C17orf75: variants seen among roughly 807,000 people sequenced by gnomAD.
The protein encoded by C17orf75 is chromosome 17 open reading frame 75.
In C17orf75, 32 loss-of-function variants were observed where a neutral mutation model predicts 49.6. The observed-to-expected ratio is 0.65, with a 90% CI of 0.49 to 0.87. The LOEUF (loss-of-function observed/expected upper bound fraction) is 0.87, where lower values mean the gene tolerates loss of function less well. C17orf75 is among the 40% of genes least tolerant of loss of function. The pLI is 0.00. For synonymous variants in C17orf75, 158 were observed against 159.5 expected, an observed-to-expected ratio of 0.99 and a Z score of 0.07; for missense variants, 428 against 473.9, an observed-to-expected ratio of 0.90 and a Z score of 0.90.
intron 9 of C17orf75, among the ~76,000 whole-genome samples, chr17:32,332,593 C>T (rs1009896300): frequency 5.3e-5 from 8 of 152,102 alleles, no homozygotes; most frequent in South Asian, 4.1e-4. Context: ...AGCAAGACCC[C>T]GTCTCTACAA....
At position 32,331,774 on chromosome 17, in the gene C17orf75, G is replaced by A; in HGVS notation, c.1180C>T (p.Gln394Ter). ...LEEFMKEALD[Q>*]SF ...CTCAAAACATATGATCAAAAACTTT[G>A]GTCAAGAGCTTCTTTCATGAATTCT... Residue 394 changes from glutamine to a stop codon, truncating the protein, a stop_gained, in exon 10 of 10, where the codon CAA becomes TAA. Coordinates refer to ENST00000577809, the MANE Select transcript of C17orf75 (RefSeq NM_022344.4). LOFTEE classifies it high-confidence loss of function. 1 of 1,612,374 alleles carries A rather than the reference G, an allele frequency of 6.2e-7. No homozygotes were observed. The highest frequency in any genetic ancestry group is 8.5e-7 in the Non-Finnish European group (1 of 1,178,604).
At chr17:32,341,624 G>GGT (rs966649975) in intron 1 of C17orf75, among the ~76,000 whole-genome samples, 6 of 152,312 alleles carry the variant, frequency 3.9e-5, no homozygotes, top group African/African-American at 1.2e-4. Context: ...TGGGGATGGG[G>GGT]GTGTGTGTGA....
upstream of C17orf75, among the ~76,000 whole-genome samples, chr17:32,345,527 T>A (rs1330297512): frequency 6.6e-6 from 1 of 150,392 alleles, no homozygotes; most frequent in East Asian, 2.0e-4. Flanking sequence ...GACATCGAAT[T>A]CTAGGTTGAA....
Position 32,334,468 on chromosome 17 carries a change from C to T in C17orf75, c.871+1G>A. The T allele has an allele frequency of 6.2e-7, 1 of 1,610,970 alleles. No individual in the cohort carries two copies. Among genetic ancestry groups the T allele is most frequent in the Non-Finnish European group, 8.5e-7 (1 of 1,178,744 alleles). ...AGGCTGCTTCAGAGGTTGTAGCTCA[C>T]CTGCATTGCAGAACTGAGGCTGGGA... On this transcript the variant is annotated splice_donor_variant, in intron 8 of 9. Transcript: ENST00000577809. LOFTEE classifies it high-confidence loss of function.
chr17:32,335,539 G>A, intron 5 of C17orf75, 97 bp from the exon 6 acceptor site: 1 of 1,411,558 alleles, frequency 7.1e-7, no homozygotes. Context: ...AAAAAGACCA[G>A]GATAGACACC....
intron 1 of C17orf75, among the ~76,000 whole-genome samples, chr17:32,341,533 C>G (rs1156870047): frequency 1.3e-5 from 2 of 152,100 alleles, no homozygotes; most frequent in African/African-American, 4.8e-5. Flanking sequence ...CTTTAAAAAC[C>G]AAACTTGACA....
At chr17:32,333,369 T>G (rs1281943256) in intron 9 of C17orf75, 48 bp downstream of exon 9, 2 of 1,401,596 alleles carry the variant, frequency 1.4e-6, no homozygotes, top group African/African-American at 1.4e-5. Context: ...CTAATTAAAA[T>G]TCAGACAAAA....
intron 3 of C17orf75, among the ~76,000 whole-genome samples, chr17:32,339,056 A>ATG (rs1385885209): frequency 6.6e-6 from 1 of 151,856 alleles, no homozygotes; most frequent in Non-Finnish European, 1.5e-5. Context: ...ATGCTACTGT[A>ATG]CTCCAGTCTG....
At chr17:32,333,631 A>G (rs2150774187) in intron 8 of C17orf75, 111 bp from the exon 9 acceptor site, 1 of 897,512 alleles carries the variant, frequency 1.1e-6, no homozygotes, top group South Asian at 1.6e-5. Flanking sequence ...GTGCAGCCGG[A>G]GTACTAACTA....
rs1165212639 is a variant in C17orf75 at position 32,341,126 on chromosome 17, G to A, written c.221+78C>T. On this transcript the variant is annotated intron_variant, in intron 2 of 9. Coordinates refer to ENST00000577809, the MANE Select transcript of C17orf75 (RefSeq NM_022344.4). ...TCAGGGAAAGCTCAGTGGAAATAGA[G>A]TATCCACTGACATGTACAGGCCAGA... 7.9e-6 allele frequency: 11 copies of A among 1,400,666 alleles called. No homozygotes were observed. In the East Asian group the frequency reaches 2.3e-4, roughly 29 times the overall value. 86.8% of individuals were successfully genotyped at this position (1,400,666 alleles called of 1,614,324 possible).
At position 32,331,939 on chromosome 17, in the gene C17orf75, G is replaced by A; in HGVS notation, c.1015C>T (p.Gln339Ter). 1 of 1,613,194 alleles carries A rather than the reference G, an allele frequency of 6.2e-7. No individual in the cohort carries two copies. ...AAAGCATAATGATTCATTTCTGCCT[G>A]TCGGATAAATCTCTTCAAATTGTTT... ...DTNNLKRFIRQAEMNHYALFK... is the reference protein window; with the variant it reads ...DTNNLKRFIR Residue 339 changes from glutamine to a stop codon, truncating the protein, a stop_gained, in exon 10 of 10, where the codon CAG (glutamine) becomes TAG (stop). Coordinates refer to ENST00000577809, the MANE Select transcript of C17orf75 (RefSeq NM_022344.4). LOFTEE classifies it high-confidence loss of function.
chr17:32,336,965 G>A (rs1434750193), intron 5 of C17orf75, among the ~76,000 whole-genome samples: 1 of 152,040 alleles, frequency 6.6e-6, no homozygotes, highest in East Asian at 1.9e-4. Context: ...ACAAGCCTGG[G>A]CAATATGGCA....
chr17:32,349,475 G>A (rs546056552), intron 1 of C17orf75, among the ~76,000 whole-genome samples: 74 of 152,254 alleles, frequency 4.9e-4, no homozygotes, highest in Non-Finnish European at 9.7e-4. Flanking sequence ...CAGCTACTCG[G>A]GAGGCTGAGG....
chr17:32,341,440 A>G (rs1474055288), intron 1 of C17orf75, among the ~76,000 whole-genome samples, 156 bp from the exon 2 acceptor site: 2 of 152,246 alleles, frequency 1.3e-5, no homozygotes, highest in Non-Finnish European at 1.5e-5. Context: ...CCCATACAGC[A>G]GTGCTGACAA....
rs1163643891 is a variant in C17orf75 at position 32,328,788 on chromosome 17, G to C, written c.*2975C>G. 1.3e-5 allele frequency: 2 copies of C among 152,170 alleles called. No individual in the cohort carries two copies. Among genetic ancestry groups the C allele is most frequent in the South Asian group, 2.1e-4 (1 of 4,832 alleles). 9.4% of individuals were successfully genotyped at this position (152,170 alleles called of 1,614,324 possible). A position where few individuals can be genotyped will look rare whatever the true frequency, so the allele number is the denominator to read the frequency against. On this transcript the variant is annotated 3_prime_UTR_variant, in exon 10 of 10. Transcript: ENST00000577809. ...GCCTGTAGTCCCAGCTACTGGGGAGGCTGAGGAAGGAGAATCACTTGAACC... is the reference window on the plus strand; with the variant it reads ...GCCTGTAGTCCCAGCTACTGGGGAGCCTGAGGAAGGAGAATCACTTGAACC...
At chr17:32,344,168 T>C (rs2041406850), upstream of C17orf75, 2 of 512,382 alleles carry the variant, frequency 3.9e-6, no homozygotes, top group South Asian at 2.2e-5. Flanking sequence ...AACAGCTGTA[T>C]TTTTATTTTT....
chr17:32,340,667 G>A (rs2150778649), intron 2 of C17orf75, among the ~76,000 whole-genome samples: 1 of 151,642 alleles, frequency 6.6e-6, no homozygotes, highest in Admixed American at 6.6e-5. Context: ...AAATTTTTCA[G>A]GGCTGGGCAA....
intron 2 of C17orf75, chr17:32,340,808 G>A (rs2041372393): frequency 1.6e-5 from 3 of 187,906 alleles, no homozygotes; most frequent in Admixed American, 1.1e-4. Context: ...AAATTAGCCA[G>A]GCGTGGTGGT....
At chr17:32,334,690 G>T in intron 7 of C17orf75, 85 bp from the exon 8 acceptor site, 1 of 1,570,358 alleles carries the variant, frequency 6.4e-7, no homozygotes, top group South Asian at 1.2e-5. Flanking sequence ...GGGCTGGTGG[G>T]GAAGGGATGG....
Sources: allele counts gnomAD v4.1 joint callset (sites outside exome capture counted in the v4.1 genomes callset), GRCh38; gene constraint gnomAD v4.1.1; transcripts MANE v1.5; gene names NCBI Gene and HGNC (gene_info 2026-07-23, HGNC 2026-07-21).